Variants in MCM9 observed in about 807,000 individuals in gnomAD.
The protein encoded by MCM9 is minichromosome maintenance 9 homologous recombination repair factor.
Under a neutral mutation model 72.8 loss-of-function variants are expected in MCM9, and 55 were observed. That is an observed-to-expected ratio of 0.76 (90% CI 0.61 to 0.95). The LOEUF is 0.95. Ranked by LOEUF, MCM9 falls within the 40% of genes least tolerant of loss-of-function variation. The pLI is 0.00. For synonymous variants in MCM9, 480 were observed against 503.4 expected, an observed-to-expected ratio of 0.95 and a Z score of 0.62; for missense variants, 1,279 against 1,377.0, an observed-to-expected ratio of 0.93 and a Z score of 1.13.
At chr6:118,827,239 C>T (rs1278318424) in intron 11 of MCM9, among the ~76,000 whole-genome samples, 1 of 152,146 alleles carries the variant, frequency 6.6e-6, no homozygotes, top group East Asian at 1.9e-4. Flanking sequence ...GATCTATGAG[C>T]TTTTCAAAGC....
At chr6:118,867,621 T>C (rs144310041) in intron 8 of MCM9, among the ~76,000 whole-genome samples, 199 of 152,278 alleles carry the variant, frequency 1.3e-3, no homozygotes, top group African/African-American at 4.5e-3. Context: ...TAGTATTCCA[T>C]ACAGTAACAT....
intron 8 of MCM9, chr6:118,894,649 G>GA: frequency 3.7e-6 from 3 of 806,198 alleles, no homozygotes; most frequent in Non-Finnish European, 5.8e-6. Context: ...TCTGCGGAGG[G>GA]AAACTTGAAG....
At chr6:118,888,576 A>G (rs1428578347) in intron 8 of MCM9, among the ~76,000 whole-genome samples, 1 of 152,216 alleles carries the variant, frequency 6.6e-6, no homozygotes, top group East Asian at 1.9e-4. Context: ...TCCTAAGCAT[A>G]AACCTAGAAA....
intron 8 of MCM9, among the ~76,000 whole-genome samples, chr6:118,888,403 T>C (rs1399008396): frequency 1.3e-5 from 2 of 151,900 alleles, no homozygotes; most frequent in Middle Eastern, 3.2e-3. Context: ...AGGAGAATGG[T>C]GTGAACCTGG....
intron 13 of MCM9, among the ~76,000 whole-genome samples, chr6:118,816,844 A>T (rs1389591460): frequency 6.8e-6 from 1 of 147,684 alleles, no homozygotes; most frequent in African/African-American, 2.5e-5. Flanking sequence ...AGGAGTCAAG[A>T]GTCTGTGATA....
chr6:118,919,306 C>A (rs979721664), intron 5 of MCM9: 2 of 152,160 alleles, frequency 1.3e-5, no homozygotes, highest in African/African-American at 2.4e-5. Flanking sequence ...GGATTTAAAT[C>A]CCAGCTCCAC....
chr6:118,884,266 T>C (rs1778463409), intron 8 of MCM9, among the ~76,000 whole-genome samples: 1 of 152,140 alleles, frequency 6.6e-6, no homozygotes, highest in African/African-American at 2.4e-5. Context: ...TTGTAACATA[T>C]ACAGATGAAA....
intron 9 of MCM9, among the ~76,000 whole-genome samples, chr6:118,842,810 C>T (rs1396822844): frequency 2.6e-5 from 4 of 152,178 alleles, no homozygotes; most frequent in African/African-American, 9.6e-5. Flanking sequence ...TGAGCCACCA[C>T]TCCCGAGCCC....
At chr6:118,885,733 G>A (rs1451400713) in intron 8 of MCM9, among the ~76,000 whole-genome samples, 3 of 152,124 alleles carry the variant, frequency 2.0e-5, no homozygotes, top group Middle Eastern at 3.4e-3. Context: ...GAATTCCACC[G>A]AAAATTTAAA....
chr6:118,839,057 C>T (rs1026404169), intron 9 of MCM9, among the ~76,000 whole-genome samples: 3 of 152,170 alleles, frequency 2.0e-5, no homozygotes, highest in Non-Finnish European at 4.4e-5. Context: ...CTTTCAGGTA[C>T]ACCAATCAAT....
chr6:118,930,382 G>C (rs1277323179), intron 3 of MCM9, among the ~76,000 whole-genome samples: 1 of 152,218 alleles, frequency 6.6e-6, no homozygotes, highest in Non-Finnish European at 1.5e-5. Context: ...AAAGTGCTGG[G>C]ATTACAGGCG....
At chr6:118,826,350 AC>A (rs2114541881) in intron 12 of MCM9, 58 bp from the exon 13 acceptor site, 1 of 1,515,890 alleles carries the variant, frequency 6.6e-7, no homozygotes, top group East Asian at 2.5e-5. Context: ...AGCGGTAAGT[AC>A]ACTCTAGGGA....
chr6:118,930,646 G>A (rs1782343878), intron 3 of MCM9, among the ~76,000 whole-genome samples: 1 of 152,236 alleles, frequency 6.6e-6, no homozygotes, highest in Non-Finnish European at 1.5e-5. Context: ...CTGAGGCTCA[G>A]TGAGATAAAA....
chr6:118,922,146 G>A, intron 4 of MCM9, 60 bp from the exon 5 acceptor site: 1 of 1,248,562 alleles, frequency 8.0e-7, no homozygotes, highest in Admixed American at 2.3e-5. Context: ...GTATCCAGAA[G>A]TCTAGCAGTA....
At chr6:118,894,309 G>A (rs1583571519) in intron 8 of MCM9, 1 of 1,500,698 alleles carries the variant, frequency 6.7e-7, no homozygotes, top group East Asian at 2.5e-5. Context: ...CACGACGTCT[G>A]GCCGGCGCTG....
At chr6:118,846,981 G>A (rs1372710785) in intron 9 of MCM9, among the ~76,000 whole-genome samples, 4 of 151,742 alleles carry the variant, frequency 2.6e-5, no homozygotes, top group Non-Finnish European at 4.4e-5. Flanking sequence ...AAGGAAATCT[G>A]TAACACAGTG....
intron 8 of MCM9, among the ~76,000 whole-genome samples, chr6:118,880,639 G>C (rs1306343314): frequency 2.6e-5 from 4 of 152,312 alleles, no homozygotes; most frequent in African/African-American, 9.6e-5. Context: ...TGTCTTATGA[G>C]AGGCAAGAAG....
chr6:118,829,283 T>C (rs1304191730), intron 9 of MCM9, 33 bp from the exon 10 acceptor site: 7 of 1,516,662 alleles, frequency 4.6e-6, no homozygotes, highest in Admixed American at 2.1e-5. Context: ...TCACTGATTG[T>C]GAGGTTCAGA....
Position 118,814,836 on chromosome 6 carries a change from T to A in MCM9, c.3420A>T (p.Arg1140Ser), listed in dbSNP as rs573330646. Residue 1140 changes from arginine to serine, a missense_variant, in exon 14 of 14, where the codon AGA becomes AGT. Arg to Ser is a moderately radical substitution (Grantham distance 110, BLOSUM62 -1). Coordinates refer to ENST00000619706, the MANE Select transcript of MCM9 (RefSeq NM_017696.3). ...AAGCTTTTCCCAACTATGACTTTTT[T>A]CTCATCTCTTCATCCCAGTCACAAT... ...AFDCDWDEEM[R>S]KKS 2.1e-5 allele frequency: 32 copies of A among 1,497,644 alleles called. No individual in the cohort carries two copies. The East Asian group carries it at 7.9e-4, about 37-fold the overall frequency. 92.8% of individuals were successfully genotyped at this position (1,497,644 alleles called of 1,614,324 possible). A position where few individuals can be genotyped will look rare whatever the true frequency, so the allele number is the denominator to read the frequency against.
Sources: allele counts gnomAD v4.1 joint callset (sites outside exome capture counted in the v4.1 genomes callset), GRCh38; gene constraint gnomAD v4.1.1; transcripts MANE v1.5; gene names NCBI Gene and HGNC (gene_info 2026-07-23, HGNC 2026-07-21).